MPP1: variants seen among roughly 807,000 people sequenced by gnomAD.
MPP1 encodes MAGUK p55 scaffold protein 1, also known as 55 kDa erythrocyte membrane protein.
In MPP1, 6 loss-of-function variants were observed where a neutral mutation model predicts 38.2. The observed-to-expected ratio is 0.16, with a 90% CI of 0.09 to 0.31. The LOEUF is 0.31. Ranked by LOEUF, MPP1 falls within the 10% of genes least tolerant of loss-of-function variation. MPP1 has a pLI of 1.00. For synonymous variants in MPP1, 153 were observed against 146.3 expected (o/e 1.05, Z -0.33); for missense variants, 293 against 368.9 (o/e 0.79, Z 1.69).
chrX:154,791,281 C>A (rs1557267709), intron 3 of MPP1: 2 of 405,906 alleles, frequency 4.9e-6, no homozygotes, highest in Non-Finnish European at 8.5e-6. Flanking sequence ...AATAAAACAC[C>A]TTGTCCTCAA....
chrX:154,784,080 G>A lies in MPP1; in HGVS notation c.813C>T (p.Tyr271=), dbSNP rs148577076. The change falls in exon 8 of 12, where the codon TAC becomes TAT. Residue 271 remains tyrosine, a synonymous_variant. Transcript: ENST00000369534. ...ATGCAGGGAGCCGAACGACTTCCTC[G>A]TAGGAAACAACATCCAACTGATCAA... ...SIFDQLDVVS[Y]EEVVRLPAFK... 2.7e-4 allele frequency: 324 copies of A among 1,207,253 alleles called. 1 individual carries two copies. The highest frequency in any genetic ancestry group is 4.6e-4 in the Middle Eastern group (2 of 4,371).
chrX:154,795,264 T>A (rs2072182682), intron 1 of MPP1, among the ~76,000 whole-genome samples: 1 of 111,870 alleles, frequency 8.9e-6, no homozygotes, highest in African/African-American at 3.3e-5. Flanking sequence ...CATATGGCAT[T>A]GCTGTTATAA....
At position 154,805,476 on chromosome X, in the gene MPP1, T is replaced by C. The variant is rs1242992540; in HGVS notation, c.-103A>G. 2 of 831,091 alleles carry C rather than the reference T, an allele frequency of 2.4e-6. No individual in the cohort carries two copies. The highest frequency in any genetic ancestry group is 4.2e-5 in the African/African-American group (2 of 47,678). 68.5% of individuals were successfully genotyped at this position (831,091 alleles called of 1,213,427 possible). A position where few individuals can be genotyped will look rare whatever the true frequency, so the allele number is the denominator to read the frequency against. Reference sequence around the variant, plus strand: ...GAGAAGGCGGGAGACGCGGTGCGGCTGGGCCAGTCACCGCCCCGCAGGCGG... The same window carrying C: ...GAGAAGGCGGGAGACGCGGTGCGGCCGGGCCAGTCACCGCCCCGCAGGCGG... On this transcript the variant is annotated 5_prime_UTR_variant, in exon 1 of 12. Transcript: ENST00000369534.
intron 9 of MPP1, chrX:154,782,388 T>A (rs1282915436): frequency 8.9e-6 from 1 of 112,389 alleles, no homozygotes; most frequent in Non-Finnish European, 1.9e-5. Flanking sequence ...ATCACACTTG[T>A]CTCTCAACTG....
At chrX:154,785,233 A>C in intron 6 of MPP1, 76 bp from the exon 7 acceptor site, 1 of 634,715 alleles carries the variant, frequency 1.6e-6, no homozygotes, top group Non-Finnish European at 2.2e-6. Context: ...TCAGTCTCTA[A>C]TGGCACCCCC....
chrX:154,805,429 G>T lies in MPP1; in HGVS notation c.-56C>A. 1 of 1,076,194 alleles carries T rather than the reference G, an allele frequency of 9.3e-7. No individual in the cohort carries two copies. Among genetic ancestry groups the T allele is most frequent in the Non-Finnish European group, 1.3e-6 (1 of 792,845 alleles). 88.7% of individuals were successfully genotyped at this position (1,076,194 alleles called of 1,213,427 possible). A position where few individuals can be genotyped will look rare whatever the true frequency, so the allele number is the denominator to read the frequency against. On this transcript the variant is annotated 5_prime_UTR_variant, in exon 1 of 12. Coordinates refer to ENST00000369534, the MANE Select transcript of MPP1 (RefSeq NM_002436.4). ...ACAGGGCAGCGCTGGGAATGACAGG[G>T]CCCGGGGCCTGCGGGGCTGCGGAGA... is the stretch of plus-strand genomic sequence containing the variant.
At chrX:154,802,837 C>G (rs1027979075) in intron 1 of MPP1, among the ~76,000 whole-genome samples, 1 of 112,354 alleles carries the variant, frequency 8.9e-6, no homozygotes, top group Non-Finnish European at 1.9e-5. Flanking sequence ...GAATCGGTAG[C>G]CTTTTTCCAT....
intron 9 of MPP1, chrX:154,783,150 A>T (rs1314320340): frequency 1.4e-5 from 2 of 142,183 alleles, no homozygotes; most frequent in Non-Finnish European, 2.7e-5. Flanking sequence ...AGTTATATGT[A>T]TAAACTTTAA....
intron 5 of MPP1, among the ~76,000 whole-genome samples, chrX:154,789,440 C>T (rs2072115866): frequency 8.9e-6 from 1 of 112,135 alleles, no homozygotes; most frequent in South Asian, 3.6e-4. Flanking sequence ...TTTACTTTGC[C>T]ACTATCAATC....
intron 1 of MPP1, among the ~76,000 whole-genome samples, chrX:154,802,240 A>G (rs1257584528): frequency 7.1e-5 from 8 of 112,520 alleles, no homozygotes; most frequent in Non-Finnish European, 1.5e-4. Context: ...AGCTGCTTCT[A>G]TCACATCACC....
Position 154,781,230 on chromosome X carries a change from T to G in MPP1, c.1224+9A>C. On this transcript the variant is annotated intron_variant, in intron 11 of 11. Transcript: ENST00000369534. ...AGTGAACTACCCATCGCGCACAACC[T>G]CTCCTCACCTGAGTGCCCTGGTCAG... 8.4e-7 allele frequency: 1 copy of G among 1,197,295 alleles called. No homozygotes were observed.
rs781996626 is a variant in MPP1 at position 154,804,847 on chromosome X, G to A, written c.102+425C>T. ...ACCTGCCTAAATGAAGAGGAACAGT[G>A]AGTGAGCTCTTTAGAACCAGAAGCT... On this transcript the variant is annotated intron_variant, in intron 1 of 11. Coordinates refer to ENST00000369534, the MANE Select transcript of MPP1 (RefSeq NM_002436.4). The A allele has an allele frequency of 9.3e-5, 32 of 345,412 alleles. No homozygotes were observed. The Middle Eastern group carries it at 3.4e-3, about 37-fold the overall frequency. The allele number at this position is 345,412 out of a possible 1,213,427, so 28.5% of individuals were successfully genotyped here. A position where few individuals can be genotyped will look rare whatever the true frequency, so the allele number is the denominator to read the frequency against.
At chrX:154,789,203 T>C (rs1557267491) in intron 5 of MPP1, among the ~76,000 whole-genome samples, 1 of 112,371 alleles carries the variant, frequency 8.9e-6, no homozygotes, top group Non-Finnish European at 1.9e-5. Context: ...ACAAGTAACC[T>C]GCAATAGAAA....
chrX:154,799,942 T>G, intron 1 of MPP1: 185 of 927,391 alleles, frequency 2.0e-4, no homozygotes, highest in East Asian at 6.9e-4. Context: ...GGGCGGGCGG[T>G]GGCGGGGGTG....
At chrX:154,790,112 A>G in intron 4 of MPP1, 90 bp from the exon 5 acceptor site, 2 of 547,351 alleles carry the variant, frequency 3.7e-6, no homozygotes, top group South Asian at 6.5e-5. Flanking sequence ...TTTCCCCAAC[A>G]ACCATCTTTA....
In MPP1 at chrX:154,786,412, G is replaced by A. The variant is rs1267774038; in HGVS notation, c.481-12C>T. 3 of 1,202,110 alleles carry A rather than the reference G, an allele frequency of 2.5e-6. No individual in the cohort carries two copies. The highest frequency in any genetic ancestry group is 3.6e-5 in the South Asian group (2 of 55,811). ...GCTCTCATGAACATCTAAAAAGAAGGTAAAAGGAACTGCAGGCGGCAGCTT... is the reference window on the plus strand; with the variant it reads ...GCTCTCATGAACATCTAAAAAGAAGATAAAAGGAACTGCAGGCGGCAGCTT... On this transcript the variant is annotated splice_polypyrimidine_tract_variant and intron_variant, in intron 5 of 11. Transcript: ENST00000369534.
intron 5 of MPP1, among the ~76,000 whole-genome samples, chrX:154,787,460 A>G (rs2072092056): frequency 8.9e-6 from 1 of 112,069 alleles, no homozygotes; most frequent in East Asian, 2.8e-4. Context: ...TAAAAATGGA[A>G]AAAGATCATA....
intron 4 of MPP1, among the ~76,000 whole-genome samples, chrX:154,790,418 C>T (rs1471524244): frequency 9.2e-6 from 1 of 108,476 alleles, no homozygotes; most frequent in Non-Finnish European, 1.9e-5. Context: ...GTAATCCCAG[C>T]TACTTGGGAG....
chrX:154,787,750 G>A (rs1557267374), intron 5 of MPP1, among the ~76,000 whole-genome samples: 2 of 111,959 alleles, frequency 1.8e-5, no homozygotes, highest in Non-Finnish European at 3.8e-5. Context: ...AGGATTACAG[G>A]CGCATGCCAC....
Sources: gnomAD v4.1 joint callset for allele counts (sites outside exome capture counted in the v4.1 genomes callset) on GRCh38, gnomAD v4.1.1 for gene constraint, MANE v1.5 for transcripts, NCBI Gene and HGNC (gene_info 2026-07-23, HGNC 2026-07-21) for gene names.